Variants in CNTN4 observed in about 807,000 individuals in gnomAD.
The protein encoded by CNTN4 is contactin 4, also known as contactin-4.
CNTN4 carries 77 observed loss-of-function variants against 122.5 expected under a neutral mutation model. The observed-to-expected ratio is 0.63, with a 90% CI of 0.52 to 0.76. The LOEUF is 0.76. Among genes scored for constraint, CNTN4 ranks in the 30% least tolerant of loss-of-function variants. The pLI, the probability that CNTN4 is intolerant of heterozygous loss-of-function variation, is 0.00. For synonymous variants in CNTN4, 512 were observed against 447.0 expected, an observed-to-expected ratio of 1.15 and a Z score of -1.83; for missense variants, 1,256 against 1,259.1, an observed-to-expected ratio of 1.00 and a Z score of 0.04.
At chr3:2,677,201 C>CTATA (rs2084904113) in intron 4 of CNTN4, among the ~76,000 whole-genome samples, 1 of 149,434 alleles carries the variant, frequency 6.7e-6, no homozygotes, top group Non-Finnish European at 1.5e-5. Flanking sequence ...ATATCTCTCT[C>CTATA]TATATATGTA....
intron 4 of CNTN4, among the ~76,000 whole-genome samples, chr3:2,729,113 C>T (rs913645030): frequency 6.6e-6 from 1 of 152,158 alleles, no homozygotes; most frequent in African/African-American, 2.4e-5. Flanking sequence ...GTTGAATTTG[C>T]AACAGATGGA....
chr3:2,272,038 T>G (rs942334574), intron 2 of CNTN4, among the ~76,000 whole-genome samples: 3 of 152,166 alleles, frequency 2.0e-5, no homozygotes, highest in Non-Finnish European at 2.9e-5. Context: ...TTCAGTATGA[T>G]TCTAAATTGC....
chr3:2,962,993 C>T (rs993995044), intron 13 of CNTN4, among the ~76,000 whole-genome samples: 4 of 152,100 alleles, frequency 2.6e-5, no homozygotes, highest in South Asian at 2.1e-4. Flanking sequence ...GTTTGATCAG[C>T]GCAGAGTAGA....
chr3:2,761,991 A>C (rs1329457496), intron 6 of CNTN4, among the ~76,000 whole-genome samples: 2 of 152,180 alleles, frequency 1.3e-5, no homozygotes, highest in Admixed American at 6.5e-5. Flanking sequence ...TATTTAATGA[A>C]TACCAACTGG....
intron 2 of CNTN4, among the ~76,000 whole-genome samples, chr3:2,156,488 T>C (rs2149149379): frequency 6.6e-6 from 1 of 152,304 alleles, no homozygotes; most frequent in Admixed American, 6.5e-5. Flanking sequence ...GTCCACTCCC[T>C]GGTGTGGATG....
At chr3:2,768,738 A>G (rs985953122) in intron 6 of CNTN4, among the ~76,000 whole-genome samples, 3 of 152,246 alleles carry the variant, frequency 2.0e-5, no homozygotes, top group Admixed American at 2.0e-4. Context: ...CTTGAAAAAA[A>G]TAACTAATAG....
At chr3:2,747,805 C>G (rs1290339549) in intron 6 of CNTN4, among the ~76,000 whole-genome samples, 1 of 152,174 alleles carries the variant, frequency 6.6e-6, no homozygotes, top group Non-Finnish European at 1.5e-5. Context: ...AGAAAGTTCA[C>G]CAATTCATCA....
intron 6 of CNTN4, among the ~76,000 whole-genome samples, chr3:2,805,801 G>GTC (rs796871309): frequency 9.8e-5 from 15 of 152,308 alleles, no homozygotes; most frequent in African/African-American, 3.1e-4. Context: ...ATTGTTCTGG[G>GTC]TCCACAGTCT....
chr3:2,801,825 T>TAAGC, intron 6 of CNTN4, among the ~76,000 whole-genome samples: 1 of 152,284 alleles, frequency 6.6e-6, no homozygotes, highest in East Asian at 1.9e-4. Context: ...GGTTTAATTC[T>TAAGC]AAGCAAACCT....
intron 7 of CNTN4, among the ~76,000 whole-genome samples, chr3:2,828,665 C>T (rs1172294264): frequency 6.6e-6 from 1 of 151,604 alleles, no homozygotes. Flanking sequence ...GAAAGCTTAA[C>T]ATTTAGTTAG....
chr3:2,678,976 A>C (rs1221381738), intron 4 of CNTN4, among the ~76,000 whole-genome samples: 1 of 152,168 alleles, frequency 6.6e-6, no homozygotes, highest in Non-Finnish European at 1.5e-5. Flanking sequence ...AAACTGAAAA[A>C]GTGCACATGT....
chr3:2,464,829 A>G (rs2075440705), intron 3 of CNTN4, among the ~76,000 whole-genome samples: 1 of 152,206 alleles, frequency 6.6e-6, no homozygotes, highest in African/African-American at 2.4e-5. Flanking sequence ...ATTTTGTGGC[A>G]ACCACATTTA....
intron 7 of CNTN4, among the ~76,000 whole-genome samples, chr3:2,859,517 A>C (rs2093651061): frequency 6.8e-6 from 1 of 148,000 alleles, no homozygotes; most frequent in Non-Finnish European, 1.5e-5. Context: ...TGAACATGCT[A>C]ACAAAAAGGA....
intron 2 of CNTN4, among the ~76,000 whole-genome samples, chr3:2,188,379 C>T (rs2037372250): frequency 6.6e-6 from 1 of 152,126 alleles, no homozygotes; most frequent in Admixed American, 6.6e-5. Context: ...TTCCTCATCT[C>T]CTTGCTGAAA....
chr3:2,195,502 A>C (rs2037791937), intron 2 of CNTN4, among the ~76,000 whole-genome samples: 1 of 152,344 alleles, frequency 6.6e-6, no homozygotes, highest in South Asian at 2.1e-4. Context: ...GAACCTCCAT[A>C]TTGTTTTCCT....
chr3:2,610,522 A>G (rs2149817290), intron 4 of CNTN4, among the ~76,000 whole-genome samples: 1 of 152,264 alleles, frequency 6.6e-6, no homozygotes, highest in African/African-American at 2.4e-5. Context: ...ACTGAGTCGC[A>G]TTTCAGCCTG....
intron 2 of CNTN4, among the ~76,000 whole-genome samples, chr3:2,219,074 T>G (rs2038962707): frequency 6.6e-6 from 1 of 152,182 alleles, no homozygotes; most frequent in Non-Finnish European, 1.5e-5. Flanking sequence ...TTTAGCATAT[T>G]TCCATGAAGG....
chr3:2,770,832 C>T lies in CNTN4; in HGVS notation c.358+25135C>T, dbSNP rs569581888. On this transcript the variant is annotated intron_variant, in intron 6 of 24. Coordinates refer to ENST00000418658, the MANE Select transcript of CNTN4 (RefSeq NM_175607.3). ...ACCAGTTACCATTTGAGGCATAGCT[C>T]AGGGGCTCTGCTACCAAGCATGGCA... Among the ~76,000 whole-genome samples, 3 of 152,348 alleles carry T rather than the reference C, an allele frequency of 2.0e-5. No individual in the cohort carries two copies. The East Asian group carries it at 5.8e-4, about 29-fold the overall frequency.
chr3:2,484,317 C>T (rs1186447988), intron 3 of CNTN4, among the ~76,000 whole-genome samples: 2 of 151,414 alleles, frequency 1.3e-5, no homozygotes, highest in African/African-American at 4.9e-5. Context: ...CCTGATAAGA[C>T]AGTAAGTCCA....
Sources: gnomAD v4.1 joint callset for allele counts (sites outside exome capture counted in the v4.1 genomes callset) on GRCh38, gnomAD v4.1.1 for gene constraint, MANE v1.5 for transcripts, NCBI Gene and HGNC (gene_info 2026-07-23, HGNC 2026-07-21) for gene names.